LMBR1: variants seen among roughly 807,000 people sequenced by gnomAD.
LMBR1 encodes limb region 1 protein homolog.
LMBR1 carries 52 observed loss-of-function variants against 73.9 expected under a neutral mutation model. The observed-to-expected ratio is 0.70, with a 90% CI of 0.56 to 0.89. The LOEUF (loss-of-function observed/expected upper bound fraction) is 0.89, where lower values mean the gene tolerates loss of function less well. Among genes scored for constraint, LMBR1 ranks in the 40% least tolerant of loss-of-function variants. The pLI is 0.00. For synonymous variants in LMBR1, 215 were observed against 209.4 expected (o/e 1.03, Z -0.23); for missense variants, 539 against 579.8 (o/e 0.93, Z 0.72).
intron 9 of LMBR1, among the ~76,000 whole-genome samples, chr7:156,748,192 A>C (rs1381867765): frequency 6.6e-6 from 1 of 152,198 alleles, no homozygotes; most frequent in East Asian, 1.9e-4. Context: ...GAGACTTTTG[A>C]GATCCAACAA....
In LMBR1 at chr7:156,835,563, TG is replaced by T. The variant is rs561273844; in HGVS notation, c.139+1249del. On this transcript the variant is annotated intron_variant, in intron 2 of 16. Coordinates refer to ENST00000353442, the MANE Select transcript of LMBR1 (RefSeq NM_022458.4). ...TACAAAAATTAGCTGGGCATGGTAG[TG>T]CATGCCTGTAATCCCAGCTACTAGG... is the stretch of plus-strand genomic sequence containing the variant. Among the ~76,000 whole-genome samples, 635 of 151,824 alleles carry T rather than the reference TG, an allele frequency of 4.2e-3. 2 individuals are homozygous for T. Among genetic ancestry groups the T allele is most frequent in the African/African-American group, 0.015 (612 of 41,408 alleles).
intron 15 of LMBR1, among the ~76,000 whole-genome samples, chr7:156,695,478 A>G (rs952532236): frequency 2.0e-5 from 3 of 152,218 alleles, no homozygotes; most frequent in Admixed American, 6.5e-5. Context: ...GAAACTTTCA[A>G]TCATGGGGGA....
intron 1 of LMBR1, among the ~76,000 whole-genome samples, chr7:156,878,484 A>T (rs1800560403): frequency 6.6e-6 from 1 of 152,232 alleles, no homozygotes; most frequent in African/African-American, 2.4e-5. Flanking sequence ...TAAAACACTT[A>T]GGAATATACC....
At position 156,724,167 on chromosome 7, in the gene LMBR1, A is replaced by G. The variant is rs1196399138; in HGVS notation, c.1170T>C (p.Asn390=). The G allele has an allele frequency of 6.2e-7, 1 of 1,611,268 alleles. No individual in the cohort carries two copies. Among genetic ancestry groups the G allele is most frequent in the Middle Eastern group, 1.7e-4 (1 of 6,056 alleles). ...DDTTMTKIIG[N]CVSILVLSSA... is the part of the protein sequence containing the mutation. ...AGCTCAAAACCAAGATGGACACACA[A>G]TTTCCAATGATCTGTTATGAGAAAC... is the stretch of plus-strand genomic sequence containing the variant. Residue 390 remains asparagine (N), a synonymous_variant, in exon 15 of 17, where the codon AAT becomes AAC. Transcript: ENST00000353442.
chr7:156,813,394 G>C (rs1833416198), intron 4 of LMBR1, among the ~76,000 whole-genome samples: 1 of 152,032 alleles, frequency 6.6e-6, no homozygotes, highest in Non-Finnish European at 1.5e-5. Flanking sequence ...ATTTCAAGTT[G>C]GCCTCCCCAA....
chr7:156,692,507 T>C (rs887278977), intron 15 of LMBR1, among the ~76,000 whole-genome samples: 10 of 152,226 alleles, frequency 6.6e-5, no homozygotes, highest in Non-Finnish European at 1.3e-4. Flanking sequence ...CTCTCAACTT[T>C]ATAAACTGAA....
At chr7:156,728,758 C>G (rs746002105) in intron 10 of LMBR1, 38 bp from the exon 11 acceptor site, 1 of 1,397,632 alleles carries the variant, frequency 7.2e-7, no homozygotes, top group South Asian at 1.3e-5. Context: ...AAAGTTTTCT[C>G]CAAATTAACA....
In LMBR1 at chr7:156,681,168, T is replaced by C; in HGVS notation, c.*2910A>G. The C allele has an allele frequency of 2.2e-6, 1 of 453,312 alleles. No homozygotes were observed. Among genetic ancestry groups the C allele is most frequent in the Middle Eastern group, 3.3e-4 (1 of 3,030 alleles). The allele number at this position is 453,312 out of a possible 1,614,324, so 28.1% of individuals were successfully genotyped here. ...AAACTAGCACATAAGAGCCTGTAAA[T>C]GATGAAAACCTGTGTCCCTGGCAGA... On this transcript the variant is annotated 3_prime_UTR_variant, in exon 17 of 17. Transcript: ENST00000353442.
At chr7:156,704,281 A>G (rs1449484010) in intron 15 of LMBR1, among the ~76,000 whole-genome samples, 1 of 152,156 alleles carries the variant, frequency 6.6e-6, no homozygotes, top group Non-Finnish European at 1.5e-5. Context: ...CAACTTCACA[A>G]TAGCTGCCAC....
rs73166151 is a variant in LMBR1 at position 156,797,624 on chromosome 7, C to G, written c.320-1132G>C. On this transcript the variant is annotated intron_variant, in intron 4 of 16. Transcript: ENST00000353442. Reference sequence around the variant, plus strand: ...GTGGGCACAGGGAGCAGAGCCGTCCCTAACTACTGCAGTTTTGAATAAACA... The same window carrying G: ...GTGGGCACAGGGAGCAGAGCCGTCCGTAACTACTGCAGTTTTGAATAAACA... 8.7e-3 allele frequency among the ~76,000 whole-genome samples: 1,320 copies of G among 152,326 alleles called. 16 individuals are homozygous for G. The highest frequency in any genetic ancestry group is 0.031 in the Middle Eastern group (9 of 294).
At chr7:156,859,580 AAC>A (rs753491433) in intron 1 of LMBR1, among the ~76,000 whole-genome samples, 88 of 151,272 alleles carry the variant, frequency 5.8e-4, no homozygotes, top group Non-Finnish European at 6.5e-4. Context: ...TAAAAAAAAA[AAC>A]CACCATTTAC....
chr7:156,828,971 A>G (rs968027139), intron 3 of LMBR1, among the ~76,000 whole-genome samples: 4 of 152,208 alleles, frequency 2.6e-5, no homozygotes, highest in African/African-American at 9.6e-5. Flanking sequence ...TTATTTGGAA[A>G]GAGAACTTTC....
chr7:156,724,256 T>C (rs1157844510), intron 14 of LMBR1, 78 bp from the exon 15 acceptor site: 3 of 1,098,634 alleles, frequency 2.7e-6, no homozygotes, highest in African/African-American at 3.1e-5. Flanking sequence ...TTCTGAGAAA[T>C]GATTGTGCAT....
At chr7:156,753,614 T>C (rs1161931926) in intron 9 of LMBR1, among the ~76,000 whole-genome samples, 1 of 151,994 alleles carries the variant, frequency 6.6e-6, no homozygotes, top group Non-Finnish European at 1.5e-5. Context: ...ATGGGATGTA[T>C]AGAGACACAG....
chr7:156,788,498 GC>G (rs1563361918), intron 5 of LMBR1, among the ~76,000 whole-genome samples: 1 of 151,396 alleles, frequency 6.6e-6, no homozygotes, highest in East Asian at 1.9e-4. Flanking sequence ...TCAAAACCAC[GC>G]CTATGGCTTG....
chr7:156,779,976 CAGG>C (rs1178974698), intron 5 of LMBR1, among the ~76,000 whole-genome samples: 1 of 152,062 alleles, frequency 6.6e-6, no homozygotes, highest in Admixed American at 6.6e-5. Context: ...AAAATAAAAG[CAGG>C]TATTAATTAT....
chr7:156,699,252 A>G (rs529734978), intron 15 of LMBR1, among the ~76,000 whole-genome samples: 6 of 152,234 alleles, frequency 3.9e-5, no homozygotes, highest in East Asian at 3.8e-4. Context: ...ATAATGCCGC[A>G]TATCTACAAC....
chr7:156,885,710 C>G (rs1012504771), intron 1 of LMBR1, among the ~76,000 whole-genome samples: 1 of 151,900 alleles, frequency 6.6e-6, no homozygotes, highest in African/African-American at 2.4e-5. Flanking sequence ...AACCCTGCCT[C>G]TACTAAAAAT....
chr7:156,697,851 T>C (rs1237608224), intron 15 of LMBR1, among the ~76,000 whole-genome samples: 2 of 152,358 alleles, frequency 1.3e-5, no homozygotes, highest in African/African-American at 2.4e-5. Flanking sequence ...CGTCTGCTTA[T>C]GAAGACAACA....
Sources: allele counts gnomAD v4.1 joint callset (sites outside exome capture counted in the v4.1 genomes callset), GRCh38; gene constraint gnomAD v4.1.1; transcripts MANE v1.5; gene names NCBI Gene and HGNC (gene_info 2026-07-23, HGNC 2026-07-21).